The following LSAMP variants were observed in gnomAD, a reference collection of about 807,000 sequenced individuals.
The protein encoded by LSAMP is limbic system-associated membrane protein.
Under a neutral mutation model 38.6 loss-of-function variants are expected in LSAMP, and 7 were observed. The observed-to-expected ratio is 0.18, with a 90% confidence interval of 0.10 to 0.34. LSAMP has a LOEUF of 0.34. Among genes scored for constraint, LSAMP ranks in the 10% least tolerant of loss-of-function variants. LSAMP has a pLI of 1.00. For missense variants in LSAMP, 313 were observed against 420.0 expected, an observed-to-expected ratio of 0.75 and a Z score of 2.23; for synonymous variants, 154 against 166.8, an observed-to-expected ratio of 0.92 and a Z score of 0.59.
chr3:116,177,843 TA>T (rs1345099909), intron 1 of LSAMP, among the ~76,000 whole-genome samples: 2 of 152,048 alleles, frequency 1.3e-5, no homozygotes, highest in South Asian at 2.1e-4. Flanking sequence ...ATGAAGCAGT[TA>T]AAAAAATGTC....
At chr3:116,425,838 G>A (rs1308229939) in intron 1 of LSAMP, among the ~76,000 whole-genome samples, 2 of 150,082 alleles carry the variant, frequency 1.3e-5, no homozygotes, top group Non-Finnish European at 3.0e-5. Context: ...TAAAATTTAG[G>A]TAAATAGATG....
intron 1 of LSAMP, among the ~76,000 whole-genome samples, chr3:116,136,466 T>G (rs942453016): frequency 6.6e-6 from 1 of 152,010 alleles, no homozygotes; most frequent in African/African-American, 2.4e-5. Flanking sequence ...TAATCTGTGA[T>G]TGCTGCATTA....
intron 3 of LSAMP, among the ~76,000 whole-genome samples, chr3:115,940,059 G>A (rs1004710435): frequency 2.0e-5 from 3 of 151,992 alleles, no homozygotes; most frequent in African/African-American, 7.2e-5. Flanking sequence ...GAGTGTTACA[G>A]TTCTTAATGG....
At chr3:116,161,200 T>C (rs1026173842) in intron 1 of LSAMP, among the ~76,000 whole-genome samples, 1 of 152,166 alleles carries the variant, frequency 6.6e-6, no homozygotes, top group African/African-American at 2.4e-5. Flanking sequence ...GGTTTTTGCA[T>C]TGTACCCACC....
Position 116,326,833 on chromosome 3 carries a change from C to T in LSAMP, c.155+118044G>A, listed in dbSNP as rs568208114. Reference sequence around the variant, plus strand: ...TTGCCACCTTCCTTTTACCCTTACACACCGAAGGCATTCCATACTCAGGCT... The same window carrying T: ...TTGCCACCTTCCTTTTACCCTTACATACCGAAGGCATTCCATACTCAGGCT... On this transcript the variant is annotated intron_variant, in intron 1 of 6. Transcript: ENST00000490035. Among the ~76,000 whole-genome samples the T allele has an allele frequency of 2.0e-5, 3 of 152,236 alleles. No homozygotes were observed. The East Asian group carries it at 5.8e-4, about 29-fold the overall frequency.
chr3:115,899,117 CAT>C (rs1260221735), intron 3 of LSAMP, among the ~76,000 whole-genome samples: 20 of 152,090 alleles, frequency 1.3e-4, no homozygotes, highest in Admixed American at 1.3e-3. Flanking sequence ...AACACACACA[CAT>C]AACTAAGGCA....
chr3:116,118,192 G>A (rs775152260), intron 1 of LSAMP, among the ~76,000 whole-genome samples: 14 of 152,264 alleles, frequency 9.2e-5, no homozygotes, highest in South Asian at 2.1e-4. Context: ...CTAAATTAGG[G>A]AGAGTCAGCC....
intron 2 of LSAMP, among the ~76,000 whole-genome samples, chr3:116,075,799 C>T (rs1707729307): frequency 1.3e-5 from 2 of 152,246 alleles, no homozygotes; most frequent in Admixed American, 6.5e-5. Flanking sequence ...CCTCAGCCTC[C>T]CAAAGTGTTG....
chr3:116,332,142 C>T (rs1576134700), intron 1 of LSAMP, among the ~76,000 whole-genome samples: 1 of 151,940 alleles, frequency 6.6e-6, no homozygotes, highest in East Asian at 1.9e-4. Context: ...ACCCGGCCTT[C>T]ACTCTATTGT....
intron 1 of LSAMP, among the ~76,000 whole-genome samples, chr3:116,430,289 C>A (rs904542591): frequency 2.0e-5 from 3 of 151,992 alleles, no homozygotes; most frequent in African/African-American, 7.2e-5. Context: ...TATTAGAGAA[C>A]ATATTTCCAA....
chr3:116,093,799 G>C (rs1158593431), intron 1 of LSAMP, among the ~76,000 whole-genome samples: 1 of 152,148 alleles, frequency 6.6e-6, no homozygotes, highest in Admixed American at 6.5e-5. Flanking sequence ...ATGTGGATGG[G>C]AAGGATGTCT....
At chr3:116,211,694 G>A in intron 1 of LSAMP, among the ~76,000 whole-genome samples, 1 of 152,266 alleles carries the variant, frequency 6.6e-6, no homozygotes, top group Middle Eastern at 3.4e-3. Context: ...GTATGTGAGT[G>A]AACTCTTATT....
intron 3 of LSAMP, among the ~76,000 whole-genome samples, chr3:115,990,767 G>A (rs1402569089): frequency 1.3e-5 from 2 of 152,004 alleles, no homozygotes; most frequent in African/African-American, 2.4e-5. Flanking sequence ...GAAACAAAAC[G>A]AGGTCTTAGG....
chr3:116,329,194 T>A (rs765157918), intron 1 of LSAMP, among the ~76,000 whole-genome samples: 2 of 152,188 alleles, frequency 1.3e-5, no homozygotes. Context: ...AAGCACTGAA[T>A]GCACATATTC....
chr3:116,010,766 T>C (rs1321217852), intron 3 of LSAMP, among the ~76,000 whole-genome samples: 1 of 152,210 alleles, frequency 6.6e-6, no homozygotes, highest in African/African-American at 2.4e-5. Context: ...ACTGAAACTA[T>C]TAGTTGGATA....
At chr3:115,847,233 C>T (rs950301170) in intron 4 of LSAMP, among the ~76,000 whole-genome samples, 7 of 152,090 alleles carry the variant, frequency 4.6e-5, no homozygotes, top group African/African-American at 1.7e-4. Flanking sequence ...TTTGTCCTCT[C>T]TACGTGGGGA....
intron 1 of LSAMP, among the ~76,000 whole-genome samples, chr3:116,301,925 G>A (rs986958420): frequency 1.3e-5 from 2 of 152,188 alleles, no homozygotes; most frequent in African/African-American, 2.4e-5. Context: ...CTGTGTGGAC[G>A]TGGTAAAAAT....
chr3:116,101,254 C>T (rs192785501), intron 1 of LSAMP, among the ~76,000 whole-genome samples: 115 of 152,296 alleles, frequency 7.6e-4, no homozygotes, highest in Non-Finnish European at 1.3e-3. Context: ...GAAGTTGTGA[C>T]AGGACAAGAA....
At chr3:116,374,385 C>A (rs2048468724) in intron 1 of LSAMP, among the ~76,000 whole-genome samples, 1 of 151,844 alleles carries the variant, frequency 6.6e-6, no homozygotes, top group Non-Finnish European at 1.5e-5. Context: ...ATTTCCCATT[C>A]CATAAGAACG....
Sources: gnomAD v4.1 joint callset for allele counts (sites outside exome capture counted in the v4.1 genomes callset) on GRCh38, gnomAD v4.1.1 for gene constraint, MANE v1.5 for transcripts, NCBI Gene and HGNC (gene_info 2026-07-23, HGNC 2026-07-21) for gene names.